The following COPB1 variants were observed in gnomAD, a reference collection of about 807,000 sequenced individuals.
COPB1 encodes coat protein complex I subunit beta 1, also known as coatomer subunit beta.
Under a neutral mutation model 108.7 loss-of-function variants are expected in COPB1, and 21 were observed. The observed-to-expected ratio is 0.19, with a 90% CI of 0.14 to 0.28. COPB1 has a LOEUF of 0.28. COPB1 is among the 10% of genes least tolerant of loss of function. The probability of loss-of-function intolerance (pLI) is 1.00; values close to 1 mark genes in which losing one functional copy is unlikely to be tolerated. For missense variants in COPB1, 919 were observed against 1,141.3 expected (o/e 0.81, Z 2.81); for synonymous variants, 378 against 386.8 (o/e 0.98, Z 0.27).
intron 18 of COPB1, among the ~76,000 whole-genome samples, chr11:14,463,273 T>C (rs986179020): frequency 6.6e-6 from 1 of 152,214 alleles, no homozygotes; most frequent in Non-Finnish European, 1.5e-5. Flanking sequence ...TGATTTCTTC[T>C]ATTCCTATGG....
Position 14,466,392 on chromosome 11 carries a change from T to C in COPB1, c.2180A>G (p.Tyr727Cys). 1 of 1,612,946 alleles carries C rather than the reference T, an allele frequency of 6.2e-7. No individual in the cohort carries two copies. Among genetic ancestry groups the C allele is most frequent in the Non-Finnish European group, 8.5e-7 (1 of 1,179,620 alleles). ...TQLTGFSDPV[Y>C]AEAYVHVNQY... The stretch of plus-strand genomic sequence containing the variant: ...GTTGACATGAACGTAAGCTTCTGCA[T>C]ATACAGGATCTGAGAAACCTGTCAA... The change falls in exon 17 of 22, where the codon TAT becomes TGT. Residue 727 changes from tyrosine (Y) to cysteine (C), a missense_variant. Physicochemically the swap from Tyr to Cys is radical, Grantham distance 194. Around this residue, in one of 5 missense-constraint regions of COPB1, gnomAD observed 705 missense variants for 817.8 expected, o/e 0.86. Coordinates refer to ENST00000439561, the MANE Select transcript of COPB1 (RefSeq NM_001144061.2).
intron 10 of COPB1, 121 bp downstream of exon 10, chr11:14,480,638 C>T: frequency 2.2e-6 from 2 of 914,888 alleles, no homozygotes; most frequent in Non-Finnish European, 3.2e-6. Context: ...ATAAAGATCA[C>T]TTCTCACCAT....
rs950990867 is a variant in COPB1, at chr11:14,494,585, G to A, written c.92-146C>T. ...TAAAAGTACAAACCCAAGTGACAAG[G>A]TTCTCCACCTGGTTCTCCACCAAAT... On this transcript the variant is annotated intron_variant, in intron 2 of 21. Coordinates refer to ENST00000439561, the MANE Select transcript of COPB1 (RefSeq NM_001144061.2). The A allele has an allele frequency of 1.4e-5, 8 of 573,580 alleles. No individual in the cohort carries two copies. The South Asian group carries it at 1.8e-4, about 13-fold the overall frequency. The allele number at this position is 573,580 out of a possible 1,614,324, so 35.5% of individuals were successfully genotyped here. A position where few individuals can be genotyped will look rare whatever the true frequency, so the allele number is the denominator to read the frequency against.
Position 14,486,519 on chromosome 11 carries a change from A to G in COPB1, c.700-15T>C. On this transcript the variant is annotated splice_polypyrimidine_tract_variant and intron_variant, in intron 6 of 21. Transcript: ENST00000439561. ...GCATGACAGACCTGGAGAAGAAAAC[A>G]TTAACATTTCAACCGATTTCAGGAA... The G allele has an allele frequency of 6.2e-6, 10 of 1,610,766 alleles. No individual in the cohort carries two copies. The highest frequency in any genetic ancestry group is 7.6e-6 in the Non-Finnish European group (9 of 1,178,452).
At chr11:14,492,208 C>T (rs1318224831) in intron 4 of COPB1, among the ~76,000 whole-genome samples, 7 of 152,100 alleles carry the variant, frequency 4.6e-5, no homozygotes, top group Non-Finnish European at 8.8e-5. Flanking sequence ...AATATCAAGA[C>T]ATAGTGTTCA....
At chr11:14,491,127 C>A (rs1346629015) in intron 4 of COPB1, among the ~76,000 whole-genome samples, 1 of 151,934 alleles carries the variant, frequency 6.6e-6, no homozygotes, top group African/African-American at 2.4e-5. Context: ...CTTACTGCAA[C>A]CTCCGCCTTC....
Position 14,458,555 on chromosome 11 carries a change from T to C in COPB1, c.2779A>G (p.Ile927Val). 2.5e-6 allele frequency: 4 copies of C among 1,612,002 alleles called. No individual in the cohort carries two copies. The highest frequency in any genetic ancestry group is 2.2e-5 in the East Asian group (1 of 44,840). ...QGPDAAVTGH[I>V]RIRAKSQGMA... Reference sequence around the variant, plus strand: ...ACCTGGCTCTTTGCACGAATTCTTATATGGCCGGTAACAGCAGCATCTGGT... The same window carrying C: ...ACCTGGCTCTTTGCACGAATTCTTACATGGCCGGTAACAGCAGCATCTGGT... The change falls in exon 21 of 22, where the codon ATA (isoleucine) becomes GTA (valine). Residue 927 changes from isoleucine (I) to valine (V), a missense_variant. Coordinates refer to ENST00000439561, the MANE Select transcript of COPB1 (RefSeq NM_001144061.2).
At chr11:14,476,815 C>A in intron 12 of COPB1, 104 bp downstream of exon 12, 124 of 462,972 alleles carry the variant, frequency 2.7e-4, no homozygotes, top group East Asian at 4.8e-4. Context: ...CAAACAAAAT[C>A]TAACTCAGAA....
At chr11:14,497,617 T>C (rs1192719390) in intron 2 of COPB1, among the ~76,000 whole-genome samples, 9 of 152,214 alleles carry the variant, frequency 5.9e-5, no homozygotes, top group East Asian at 3.8e-4. Flanking sequence ...ATACCCACTA[T>C]GGAGAACAGT....
intron 14 of COPB1, among the ~76,000 whole-genome samples, chr11:14,473,840 TAA>T (rs60686212): frequency 2.0e-4 from 27 of 138,390 alleles, no homozygotes; most frequent in Non-Finnish European, 2.3e-4. Flanking sequence ...TTCATTTGTT[TAA>T]AAAAAAAAAA....
intron 7 of COPB1, 151 bp downstream of exon 7, chr11:14,486,216 T>G: frequency 1.1e-6 from 1 of 876,990 alleles, no homozygotes; most frequent in Non-Finnish European, 1.8e-6. Context: ...GAAGGAAGGC[T>G]GAACAATGTA....
chr11:14,494,439 T>G lies in COPB1; in HGVS notation c.92A>C (p.Glu31Ala), dbSNP rs749657343. ...AGTCTTTGACTTTACATCTCCTTTTTCTGAATCAAAAATTTTTTTAAAAAA... is the reference window on the plus strand; with the variant it reads ...AGTCTTTGACTTTACATCTCCTTTTGCTGAATCAAAAATTTTTTTAAAAAA... ...PSEISLKNDL[E>A]KGDVKSKTEA... Residue 31 changes from glutamate (E) to alanine (A), a missense_variant and splice_region_variant, in exon 3 of 22, where the codon GAA becomes GCA. Transcript: ENST00000439561. 1 of 1,502,152 alleles carries G rather than the reference T, an allele frequency of 6.7e-7. No individual in the cohort carries two copies. The highest frequency in any genetic ancestry group is 9.0e-7 in the Non-Finnish European group (1 of 1,107,888). 93.1% of individuals were successfully genotyped at this position (1,502,152 alleles called of 1,614,324 possible). A position where few individuals can be genotyped will look rare whatever the true frequency, so the allele number is the denominator to read the frequency against.
chr11:14,476,982 T>C lies in COPB1; in HGVS notation c.1392A>G (p.Glu464=). The C allele has an allele frequency of 1.2e-6, 2 of 1,612,522 alleles. No individual in the cohort carries two copies. Among genetic ancestry groups the C allele is most frequent in the East Asian group, 2.2e-5 (1 of 44,864 alleles). ...GAATGTCTTCCTTGGTACTACAGTATTCTCCCAGGATCCATAATGCTCCTC... is the reference window on the plus strand; with the variant it reads ...GAATGTCTTCCTTGGTACTACAGTACTCTCCCAGGATCCATAATGCTCCTC... ...IYRGALWILG[E]YCSTKEDIQS... is the part of the protein sequence containing the mutation. The change falls in exon 12 of 22, where the codon GAA becomes GAG. Residue 464 remains glutamate, a synonymous_variant. Coordinates refer to ENST00000439561, the MANE Select transcript of COPB1 (RefSeq NM_001144061.2).
chr11:14,499,582 G>GCACCCCCACCCGTACCCCC (rs1851108629), intron 1 of COPB1, 125 bp downstream of exon 1: 3 of 110,748 alleles, frequency 2.7e-5, no homozygotes, highest in East Asian at 2.8e-4. Flanking sequence ...CCCCCACCCC[G>GCACCCCCACCCGTACCCCC]ACCCGCACCC....
At chr11:14,492,018 C>A (rs942257714) in intron 4 of COPB1, among the ~76,000 whole-genome samples, 3 of 152,172 alleles carry the variant, frequency 2.0e-5, no homozygotes, top group Non-Finnish European at 2.9e-5. Context: ...TAATTCATAG[C>A]TAGTTTTGTT....
chr11:14,493,662 C>T lies in COPB1; in HGVS notation c.471G>A (p.Leu157=), dbSNP rs147985921. 2.9e-5 allele frequency: 46 copies of T among 1,611,386 alleles called. No homozygotes were observed. The African/African-American group carries it at 3.9e-4, about 14-fold the overall frequency. The change falls in exon 4 of 22, where the codon TTG becomes TTA. Residue 157 remains leucine, a synonymous_variant. Coordinates refer to ENST00000439561, the MANE Select transcript of COPB1 (RefSeq NM_001144061.2). The part of the protein sequence containing the change: ...RHSYVRRNAV[L]AIYTIYRNFE... ...TTTACCTATAGATGGTATAGATGGCCAAAACAGCATTTCTTCTAACATAGC... is the reference window on the plus strand; with the variant it reads ...TTTACCTATAGATGGTATAGATGGCTAAAACAGCATTTCTTCTAACATAGC...
chr11:14,475,521 C>CTG (rs1850502781), intron 13 of COPB1, among the ~76,000 whole-genome samples: 1 of 152,222 alleles, frequency 6.6e-6, no homozygotes, highest in African/African-American at 2.4e-5. Flanking sequence ...GTTACCCCCA[C>CTG]TTAGCATTTT....
intron 7 of COPB1, among the ~76,000 whole-genome samples, chr11:14,484,742 AC>A (rs1850734584): frequency 6.6e-6 from 1 of 152,174 alleles, no homozygotes; most frequent in Admixed American, 6.5e-5. Context: ...AAACAAAAAA[AC>A]AACAACAGAA....
chr11:14,484,958 C>T (rs1850738714), intron 7 of COPB1, among the ~76,000 whole-genome samples: 1 of 151,470 alleles, frequency 6.6e-6, no homozygotes, highest in Non-Finnish European at 1.5e-5. Context: ...GGTAAATACT[C>T]TATTATTGAA....
Sources: allele counts gnomAD v4.1 joint callset (sites outside exome capture counted in the v4.1 genomes callset), GRCh38; gene constraint gnomAD v4.1.1; regional missense constraint gnomAD v4.1.1; transcripts MANE v1.5; gene names NCBI Gene and HGNC (gene_info 2026-07-23, HGNC 2026-07-21).